Variants in TIAM1 observed in about 807,000 individuals in gnomAD.
TIAM1 encodes the protein rho guanine nucleotide exchange factor TIAM1.
Under a neutral mutation model 163.5 loss-of-function variants are expected in TIAM1, and 65 were observed. That is an observed-to-expected ratio of 0.40 (90% confidence interval 0.33 to 0.49). The LOEUF (loss-of-function observed/expected upper bound fraction) is 0.49. Among genes scored for constraint, TIAM1 ranks in the 20% least tolerant of loss-of-function variants. The pLI is 0.77. For missense variants in TIAM1, 1,789 were observed against 2,044.7 expected, an observed-to-expected ratio of 0.87 and a Z score of 2.41; for synonymous variants, 833 against 810.1, an observed-to-expected ratio of 1.03 and a Z score of -0.48.
At chr21:31,185,578 A>G in intron 14 of TIAM1, among the ~76,000 whole-genome samples, 1 of 140,986 alleles carries the variant, frequency 7.1e-6, no homozygotes, top group South Asian at 2.1e-4. Context: ...ATTATATATT[A>G]ATATAATATA....
At position 31,373,670 on chromosome 21, in the gene TIAM1, T is replaced by C. The variant is rs375975957; in HGVS notation, c.-368-34248A>G. On this transcript the variant is annotated intron_variant, in intron 2 of 28. Transcript: ENST00000286827. ...AAGAGAGGCAGGAGGGTGTCTGGAA[T>C]TTTTTTCTTTCAGGGGAGTACTAGA... Among the ~76,000 whole-genome samples, 722 of 152,158 alleles carry C rather than the reference T, an allele frequency of 4.7e-3. 4 individuals are homozygous for C. The highest frequency in any genetic ancestry group is 0.027 in the South Asian group (128 of 4,816).
chr21:31,537,728 G>A (rs1478719643), intron 1 of TIAM1, among the ~76,000 whole-genome samples: 3 of 151,858 alleles, frequency 2.0e-5, no homozygotes, highest in African/African-American at 4.8e-5. Flanking sequence ...CTCCAGCCTG[G>A]GCAACAGAGC....
intron 23 of TIAM1, among the ~76,000 whole-genome samples, chr21:31,132,852 G>A (rs1433833948): frequency 3.3e-5 from 5 of 152,116 alleles, no homozygotes; most frequent in African/African-American, 4.8e-5. Context: ...GCCCCAAAAC[G>A]TGAATGTCAA....
At chr21:31,232,018 A>C (rs1032150695) in intron 6 of TIAM1, among the ~76,000 whole-genome samples, 1 of 152,148 alleles carries the variant, frequency 6.6e-6, no homozygotes, top group Non-Finnish European at 1.5e-5. Flanking sequence ...TCTCACAAAA[A>C]AAAAAAGTTC....
At chr21:31,443,853 A>G (rs112338919) in intron 2 of TIAM1, among the ~76,000 whole-genome samples, 9 of 152,286 alleles carry the variant, frequency 5.9e-5, no homozygotes, top group African/African-American at 2.2e-4. Flanking sequence ...ATCCCTAAAA[A>G]CTGGAATTTG....
intron 2 of TIAM1, among the ~76,000 whole-genome samples, chr21:31,353,266 CAT>C (rs1182992188): frequency 5.3e-5 from 8 of 152,274 alleles, no homozygotes; most frequent in East Asian, 1.9e-4. Flanking sequence ...AAATGTTACA[CAT>C]GTTAACTGAC....
At chr21:31,285,089 T>G (rs2073743156) in intron 2 of TIAM1, among the ~76,000 whole-genome samples, 2 of 152,154 alleles carry the variant, frequency 1.3e-5, no homozygotes, top group African/African-American at 4.8e-5. Context: ...GGAAAGTCTT[T>G]CAGCCAAAAA....
In TIAM1 at chr21:31,120,916, G is replaced by A; in HGVS notation, c.4307-79C>T. 2 of 1,408,932 alleles carry A rather than the reference G, an allele frequency of 1.4e-6. No individual in the cohort carries two copies. Among genetic ancestry groups the A allele is most frequent in the South Asian group, 2.9e-5 (2 of 68,426 alleles). The allele number at this position is 1,408,932 out of a possible 1,614,324, so 87.3% of individuals were successfully genotyped here. ...ATGAAAATCCAGAAAGCAAAGGACA[G>A]GAGAAAATAAAAACCAAAACGGTAT... On this transcript the variant is annotated intron_variant, in intron 27 of 27. Coordinates refer to ENST00000541036, the MANE Select transcript of TIAM1 (RefSeq NM_001353694.2). This position sits in a 1 kb window ranked among gnomAD's most constrained non-coding sequence, Gnocchi z 4.2.
intron 2 of TIAM1, among the ~76,000 whole-genome samples, chr21:31,382,605 G>C (rs2076796568): frequency 6.6e-6 from 1 of 152,148 alleles, no homozygotes; most frequent in African/African-American, 2.4e-5. Context: ...GGCAATTAAT[G>C]AGACGGATGT....
At chr21:31,219,024 CTTTTTTTTTTTTTT>C (rs35555743) in intron 8 of TIAM1, among the ~76,000 whole-genome samples, 4 of 88,530 alleles carry the variant, frequency 4.5e-5, no homozygotes, top group Admixed American at 1.6e-4. Flanking sequence ...GAAGCATTTC[CTTTTTTTTTTTTTT>C]TTTTTTTTTT....
At chr21:31,162,904 TG>T (rs2084000164) in intron 16 of TIAM1, among the ~76,000 whole-genome samples, 1 of 152,176 alleles carries the variant, frequency 6.6e-6, no homozygotes, top group Non-Finnish European at 1.5e-5. Flanking sequence ...TCAAGAGCCT[TG>T]TTCTCTGGAA....
At chr21:31,314,844 A>T (rs1281766461) in intron 2 of TIAM1, among the ~76,000 whole-genome samples, 4 of 152,182 alleles carry the variant, frequency 2.6e-5, no homozygotes, top group Non-Finnish European at 5.9e-5. Context: ...GATGCTTAGC[A>T]CACGATCCCT....
At chr21:31,239,705 GA>G (rs1007607199) in intron 6 of TIAM1, among the ~76,000 whole-genome samples, 2 of 151,362 alleles carry the variant, frequency 1.3e-5, no homozygotes, top group African/African-American at 2.4e-5. Context: ...AACTCTGATG[GA>G]AAAAAAATGG....
At position 31,213,866 on chromosome 21, in the gene TIAM1, C is replaced by CAA. The variant is rs35524539; in HGVS notation, c.2143-396_2143-395dup. Among the ~76,000 whole-genome samples the CAA allele has an allele frequency of 8.0e-3, 439 of 54,794 alleles. 8 individuals are homozygous for CAA. Among genetic ancestry groups the CAA allele is most frequent in the South Asian group, 0.05 (81 of 1,610 alleles). 35.9% of individuals were successfully genotyped at this position (54,794 alleles called of 152,430 possible). On this transcript the variant is annotated intron_variant, in intron 9 of 27. Transcript: ENST00000541036. ...GCAATATAGTTAGACCTCATCTCTA[C>CAA]AAAAAAAAAAAAAAAAAAAGAATTA... is the stretch of plus-strand genomic sequence containing the variant.
intron 10 of TIAM1, among the ~76,000 whole-genome samples, chr21:31,210,941 C>A (rs1254962009): frequency 2.0e-5 from 3 of 146,516 alleles, no homozygotes; most frequent in Admixed American, 6.6e-5. Context: ...ATGGTGAAGC[C>A]CCAATCATTT....
chr21:31,430,210 GAAA>G (rs57117941), intron 2 of TIAM1, among the ~76,000 whole-genome samples: 1,814 of 89,366 alleles, frequency 0.02, 19 homozygotes, highest in Middle Eastern at 0.038. Context: ...CCATCTCAAA[GAAA>G]AAAAAAAAAA....
At chr21:31,369,173 C>A (rs2076550683) in intron 2 of TIAM1, among the ~76,000 whole-genome samples, 1 of 141,912 alleles carries the variant, frequency 7.0e-6, no homozygotes, top group East Asian at 2.1e-4. Flanking sequence ...TTGCAGTGAG[C>A]CGAGATTGTG....
chr21:31,257,620 C>T (rs1051187885), intron 4 of TIAM1, among the ~76,000 whole-genome samples: 1 of 152,094 alleles, frequency 6.6e-6, no homozygotes, highest in African/African-American at 2.4e-5. Context: ...ATCTTCCTTC[C>T]ATCAATCCAT....
chr21:31,150,712 A>T (rs2083333932), intron 19 of TIAM1, among the ~76,000 whole-genome samples: 1 of 152,220 alleles, frequency 6.6e-6, no homozygotes, highest in Non-Finnish European at 1.5e-5. Flanking sequence ...GTGTGATTCA[A>T]AAAGGGAAAA....
Sources: allele counts gnomAD v4.1 joint callset (sites outside exome capture counted in the v4.1 genomes callset), GRCh38; gene constraint gnomAD v4.1.1; non-coding constraint Gnocchi (gnomAD v3.1); transcripts MANE v1.5; gene names NCBI Gene and HGNC (gene_info 2026-07-23, HGNC 2026-07-21).